The following UNC13C variants were observed in gnomAD, a reference collection of about 807,000 sequenced individuals.
UNC13C encodes protein unc-13 homolog C.
Under a neutral mutation model 245.4 loss-of-function variants are expected in UNC13C, and 174 were observed. That is an observed-to-expected ratio of 0.71 (90% CI 0.63 to 0.80). UNC13C has a LOEUF of 0.80. UNC13C is among the 30% of genes least tolerant of loss of function. The pLI is 0.00. For missense variants in UNC13C, 2,829 were observed against 2,602.9 expected (o/e 1.09, Z -1.89); for synonymous variants, 992 against 895.1 (o/e 1.11, Z -1.93).
At chr15:53,858,461 C>A in the UNC13C span, among the ~76,000 whole-genome samples, 13 of 150,832 alleles carry the variant, frequency 8.6e-5, no homozygotes, top group Admixed American at 2.6e-4. Context: ...CGCTCTGTCG[C>A]CCAGGTTGGA....
At position 54,015,009 on chromosome 15, in the gene UNC13C, C is replaced by A. The variant is rs774802230; in HGVS notation, c.2106C>A (p.His702Gln). The A allele has an allele frequency of 6.2e-7, 1 of 1,613,542 alleles. No homozygotes were observed. The highest frequency in any genetic ancestry group is 1.1e-5 in the South Asian group (1 of 91,046). ...ACCTAGAATACTTGGGAAAGTGCCA[C>A]AGTGATCTTCAAGATGACTCAGAGA... Reference protein sequence around the residue: ...NKDLEYLGKCHSDLQDDSESY... With the variant: ...NKDLEYLGKCQSDLQDDSESY... Residue 702 changes from histidine to glutamine, a missense_variant, in exon 2 of 33, where the codon CAC becomes CAA. His to Gln is a conservative substitution (Grantham distance 24, BLOSUM62 0). Transcript: ENST00000260323.
chr15:54,403,193 T>G (rs962819686), intron 18 of UNC13C, among the ~76,000 whole-genome samples: 1 of 152,182 alleles, frequency 6.6e-6, no homozygotes, highest in African/African-American at 2.4e-5. Flanking sequence ...CCTGGCCATC[T>G]CCAACTCCTT....
chr15:54,287,759 G>T (rs1312816802), intron 10 of UNC13C, among the ~76,000 whole-genome samples: 1 of 152,104 alleles, frequency 6.6e-6, no homozygotes, highest in African/African-American at 2.4e-5. Flanking sequence ...AACTAAAAAA[G>T]GGAAGGAGGG....
Position 54,443,424 on chromosome 15 carries a change from ATTTC to A in UNC13C, c.4933+28366_4933+28369del, listed in dbSNP as rs576663863. Among the ~76,000 whole-genome samples the A allele has an allele frequency of 2.6e-3, 389 of 151,616 alleles. 2 individuals are homozygous for A. Among genetic ancestry groups the A allele is most frequent in the African/African-American group, 8.9e-3 (367 of 41,396 alleles). On this transcript the variant is annotated intron_variant, in intron 19 of 32. Transcript: ENST00000260323. The stretch of plus-strand genomic sequence containing the variant: ...GTTTAGATTTAGTCTGTTGTTTATT[ATTTC>A]TTTCTTTCAACTAATTTCGGATTTG...
intron 19 of UNC13C, among the ~76,000 whole-genome samples, chr15:54,446,800 T>C (rs571053072): frequency 6.6e-6 from 1 of 152,196 alleles, no homozygotes; most frequent in African/African-American, 2.4e-5. Flanking sequence ...CCTGCCTGAT[T>C]GCCCTGGCCA....
intron 19 of UNC13C, among the ~76,000 whole-genome samples, chr15:54,445,694 C>A (rs1596386538): frequency 6.6e-6 from 1 of 152,104 alleles, no homozygotes; most frequent in African/African-American, 2.4e-5. Context: ...GGATATTAGC[C>A]CTTTGTCAGA....
chr15:54,338,603 G>A, intron 17 of UNC13C, 114 bp downstream of exon 17: 1 of 1,160,636 alleles, frequency 8.6e-7, no homozygotes, highest in Non-Finnish European at 1.2e-6. Context: ...CACATTAACT[G>A]CAAATTTGAG....
intron 4 of UNC13C, among the ~76,000 whole-genome samples, chr15:54,230,582 T>C (rs2035523179): frequency 6.6e-6 from 1 of 152,096 alleles, no homozygotes; most frequent in Non-Finnish European, 1.5e-5. Flanking sequence ...GCATTTATTT[T>C]ATAACAAGAC....
At chr15:54,497,313 A>G (rs1003683660) in intron 20 of UNC13C, among the ~76,000 whole-genome samples, 5 of 152,048 alleles carry the variant, frequency 3.3e-5, no homozygotes, top group Admixed American at 2.0e-4. Context: ...CCATGTTTTC[A>G]CCCCCATACA....
At chr15:54,507,852 G>GA (rs71816913) in intron 23 of UNC13C, among the ~76,000 whole-genome samples, 23,290 of 144,428 alleles carry the variant, frequency 0.16, 1,879 homozygotes, top group Middle Eastern at 0.21. Flanking sequence ...CAGTAGCTCT[G>GA]AAAAAAAAAA....
Position 54,143,051 on chromosome 15 carries a change from A to G in UNC13C, c.3006+11A>G. On this transcript the variant is annotated intron_variant, in intron 3 of 32. Transcript: ENST00000260323. ...TCTGTGGATGAAAAGGTTTTAAATC[A>G]TACTTATTCTTCCCTCCTGAGGAAT... The G allele has an allele frequency of 6.2e-7, 1 of 1,609,452 alleles. No homozygotes were observed. Among genetic ancestry groups the G allele is most frequent in the Non-Finnish European group, 8.5e-7 (1 of 1,177,658 alleles).
At chr15:54,479,188 G>A (rs997791169) in intron 19 of UNC13C, among the ~76,000 whole-genome samples, 1 of 151,968 alleles carries the variant, frequency 6.6e-6, no homozygotes, top group Non-Finnish European at 1.5e-5. Context: ...TGAAATCCCC[G>A]ACTATTATTT....
chr15:54,576,258 T>C (rs1897951309), intron 30 of UNC13C, among the ~76,000 whole-genome samples: 1 of 152,162 alleles, frequency 6.6e-6, no homozygotes, highest in African/African-American at 2.4e-5. Context: ...ACAGGGACAA[T>C]GCCCCTCCCA....
chr15:53,935,005 T>A, the UNC13C span, among the ~76,000 whole-genome samples: 3 of 152,204 alleles, frequency 2.0e-5, no homozygotes, highest in Non-Finnish European at 4.4e-5. Context: ...TATATTCTCA[T>A]ATCTATTTTA....
At chr15:53,865,039 AAAG>A in the UNC13C span, among the ~76,000 whole-genome samples, 1 of 152,212 alleles carries the variant, frequency 6.6e-6, no homozygotes, top group Non-Finnish European at 1.5e-5. Context: ...GGCAGAGAGA[AAAG>A]AATGAGCAAT....
At chr15:54,614,576 G>A (rs1038094558) in intron 30 of UNC13C, among the ~76,000 whole-genome samples, 1 of 151,884 alleles carries the variant, frequency 6.6e-6, no homozygotes, top group African/African-American at 2.4e-5. Context: ...CTGGGCTTTT[G>A]AAGTTTTGAA....
chr15:54,351,156 AT>A (rs138132521), intron 17 of UNC13C, among the ~76,000 whole-genome samples: 185 of 151,604 alleles, frequency 1.2e-3, no homozygotes, highest in African/African-American at 4.3e-3. Flanking sequence ...TGGAAACATA[AT>A]TTTTTTTTAC....
At chr15:54,197,082 G>A (rs962536298) in intron 4 of UNC13C, among the ~76,000 whole-genome samples, 2 of 152,008 alleles carry the variant, frequency 1.3e-5, no homozygotes, top group Non-Finnish European at 2.9e-5. Flanking sequence ...AAAATTAAAG[G>A]TATAACATTT....
chr15:54,285,856 T>C (rs1362461102), intron 10 of UNC13C, among the ~76,000 whole-genome samples: 1 of 151,850 alleles, frequency 6.6e-6, no homozygotes, highest in African/African-American at 2.4e-5. Context: ...ATTAATCATG[T>C]ATATTCAGTA....
Sources: gnomAD v4.1 joint callset for allele counts (sites outside exome capture counted in the v4.1 genomes callset) on GRCh38, gnomAD v4.1.1 for gene constraint, MANE v1.5 for transcripts, NCBI Gene and HGNC (gene_info 2026-07-23, HGNC 2026-07-21) for gene names.